The following RELN variants were observed in gnomAD, a reference collection of about 807,000 sequenced individuals.
The protein encoded by RELN is reelin.
Under a neutral mutation model 427.6 loss-of-function variants are expected in RELN, and 108 were observed. The ratio of observed to expected loss-of-function variants is 0.25; its 90% CI spans 0.22 to 0.30. RELN has a LOEUF of 0.30. Among genes scored for constraint, RELN ranks in the 10% least tolerant of loss-of-function variants. RELN has a pLI of 1.00. For missense variants in RELN, 3,715 were observed against 4,302.8 expected, an observed-to-expected ratio of 0.86 and a Z score of 3.82; for synonymous variants, 1,524 against 1,513.4, an observed-to-expected ratio of 1.01 and a Z score of -0.16.
At chr7:103,826,935 C>T (rs776590576) in intron 3 of RELN, among the ~76,000 whole-genome samples, 8 of 151,260 alleles carry the variant, frequency 5.3e-5, no homozygotes, top group Non-Finnish European at 1.0e-4. Flanking sequence ...CTTGAGTGAT[C>T]TCCATAAGTT....
At chr7:103,695,439 G>A (rs537244664) in intron 10 of RELN, among the ~76,000 whole-genome samples, 6 of 151,866 alleles carry the variant, frequency 4.0e-5, no homozygotes, top group African/African-American at 1.5e-4. Context: ...AGTCTCAAAT[G>A]TGTGATTGGA....
intron 1 of RELN, among the ~76,000 whole-genome samples, chr7:103,981,344 A>T (rs1398236117): frequency 1.3e-5 from 2 of 152,362 alleles, no homozygotes; most frequent in African/African-American, 4.8e-5. Flanking sequence ...TACCTTCTCA[A>T]AGCATAATTA....
chr7:103,499,572 T>C (rs564519188), intron 53 of RELN, among the ~76,000 whole-genome samples: 31 of 152,166 alleles, frequency 2.0e-4, no homozygotes, highest in Admixed American at 3.9e-4. Flanking sequence ...GTAGTTAAAA[T>C]GATTTAAACA....
At chr7:103,518,534 C>CTTTTTTTTT (rs1554368939) in intron 49 of RELN, among the ~76,000 whole-genome samples, 1 of 100,294 alleles carries the variant, frequency 1.0e-5, no homozygotes, top group African/African-American at 7.9e-5. Flanking sequence ...AAATGTCTTG[C>CTTTTTTTTT]TTTGCTGCCC....
intron 4 of RELN, among the ~76,000 whole-genome samples, chr7:103,755,928 T>G (rs1357745885): frequency 6.6e-6 from 1 of 151,992 alleles, no homozygotes; most frequent in Non-Finnish European, 1.5e-5. Flanking sequence ...AGAAAAACCC[T>G]GTCTACACAG....
chr7:103,682,328 T>C (rs1833672608), intron 10 of RELN, 67 bp from the exon 11 acceptor site: 1 of 1,557,428 alleles, frequency 6.4e-7, no homozygotes, highest in South Asian at 1.1e-5. Flanking sequence ...GTCTTACTCA[T>C]GTATAATTAG....
At chr7:103,586,978 A>G (rs1486016173) in intron 28 of RELN, among the ~76,000 whole-genome samples, 1 of 152,222 alleles carries the variant, frequency 6.6e-6, no homozygotes, top group Admixed American at 6.5e-5. Flanking sequence ...TACAGATGCA[A>G]TGTAATTCCT....
rs766747842 is a variant in RELN, at chr7:103,989,114, G to A, written c.226+17C>T. ...CGCACCCGGCGGCGGCGAGCGCGGA[G>A]GTGCTGCGGTACCTACCATGGTATT... On this transcript the variant is annotated intron_variant, in intron 1 of 64. Transcript: ENST00000428762. The surrounding 1 kb of genome is among the most constrained non-coding windows in gnomAD (Gnocchi z 4.9). The A allele has an allele frequency of 2.5e-5, 40 of 1,610,544 alleles. No homozygotes were observed. The South Asian group carries it at 3.6e-4, about 15-fold the overall frequency.
intron 2 of RELN, among the ~76,000 whole-genome samples, chr7:103,872,987 A>T (rs7809141): frequency 1.6e-4 from 24 of 151,656 alleles, no homozygotes; most frequent in East Asian, 1.2e-3. Flanking sequence ...GAGTAGGTTG[A>T]GAAAATTAAC....
At chr7:103,655,243 G>T (rs545399879) in intron 12 of RELN, among the ~76,000 whole-genome samples, 2 of 152,108 alleles carry the variant, frequency 1.3e-5, no homozygotes, top group South Asian at 2.1e-4. Context: ...AACCAAAACA[G>T]CTGGGACTAT....
At chr7:103,595,757 C>A (rs111717719) in intron 25 of RELN, among the ~76,000 whole-genome samples, 30 of 151,690 alleles carry the variant, frequency 2.0e-4, no homozygotes, top group African/African-American at 7.0e-4. Context: ...AAAATAATAT[C>A]ATTGAATAGA....
At chr7:103,810,662 A>G (rs1350978314) in intron 3 of RELN, among the ~76,000 whole-genome samples, 6 of 149,258 alleles carry the variant, frequency 4.0e-5, no homozygotes, top group African/African-American at 1.5e-4. Context: ...TCCTTGCAGG[A>G]AAAAAAAAAC....
intron 3 of RELN, among the ~76,000 whole-genome samples, chr7:103,831,377 A>T (rs1793270027): frequency 6.6e-6 from 1 of 152,140 alleles, no homozygotes; most frequent in Non-Finnish European, 1.5e-5. Flanking sequence ...CATATAAGAC[A>T]CTGTAGCAAC....
rs1252046319 is a variant in RELN, at chr7:103,824,412, G to T, written c.473+9125C>A. Among the ~76,000 whole-genome samples, 1 of 151,958 alleles carries T rather than the reference G, an allele frequency of 6.6e-6. No homozygotes were observed. The highest frequency in any genetic ancestry group is 2.4e-5 in the African/African-American group (1 of 41,372). Reference sequence around the variant, plus strand: ...AGTCAGGCTTCAATCAGTGGGCCCAGTTCCAGCTCAGTCTCCTTTATTATC... The same window carrying T: ...AGTCAGGCTTCAATCAGTGGGCCCATTTCCAGCTCAGTCTCCTTTATTATC... On this transcript the variant is annotated intron_variant, in intron 3 of 64. Transcript: ENST00000428762. This position sits in a 1 kb window ranked among gnomAD's most constrained non-coding sequence, Gnocchi z 4.4.
chr7:103,761,612 C>G lies in RELN; in HGVS notation c.545-8398G>C, dbSNP rs527369850. On this transcript the variant is annotated intron_variant, in intron 4 of 64. Coordinates refer to ENST00000428762, the MANE Select transcript of RELN (RefSeq NM_005045.4). ...GGACTACAGGCATACAGCACCAAGA[C>G]CAGTAAATTTTTTTTTGGGGGGGGG... Among the ~76,000 whole-genome samples the G allele has an allele frequency of 3.1e-3, 468 of 151,910 alleles. 2 individuals carry two copies. The highest frequency in any genetic ancestry group is 0.011 in the African/African-American group (443 of 41,308).
At chr7:103,816,640 T>C (rs1444633308) in intron 3 of RELN, among the ~76,000 whole-genome samples, 1 of 151,646 alleles carries the variant, frequency 6.6e-6, no homozygotes, top group East Asian at 1.9e-4. Flanking sequence ...ATTGCAACCA[T>C]AACTCCAGGG....
rs1389796876 is a variant in RELN, at chr7:103,566,206, T to A, written c.4936+18A>T. ...TAGTTAATCAGATATTTTCCCTTTA[T>A]CTGGTGACAATATATACCTATGTTT... On this transcript the variant is annotated intron_variant, in intron 33 of 64. Transcript: ENST00000428762. The A allele has an allele frequency of 6.3e-7, 1 of 1,595,398 alleles. No homozygotes were observed. Among genetic ancestry groups the A allele is most frequent in the Non-Finnish European group, 8.6e-7 (1 of 1,163,264 alleles).
In RELN at chr7:103,740,728, C is replaced by A. The variant is rs76740483; in HGVS notation, c.656+8698G>T. 8.1e-3 allele frequency among the ~76,000 whole-genome samples: 1,240 copies of A among 152,170 alleles called. 23 individuals carry two copies. The highest frequency in any genetic ancestry group is 0.028 in the African/African-American group (1,169 of 41,520). On this transcript the variant is annotated intron_variant, in intron 6 of 64. Transcript: ENST00000428762. ...TAGGTGAAGTTAATGGAAGTAAATA[C>A]ATTGTGAGTGTTTTAACTTTTAAAT...
rs562622958 is a variant in RELN at position 103,808,007 on chromosome 7, G to A, written c.473+25530C>T. ...AACAGAGATAAGCAAAAGTTTAGAT[G>A]TAAATGAGATCCTCAGCTTTCTTCC... On this transcript the variant is annotated intron_variant, in intron 3 of 64. Transcript: ENST00000428762. 3.3e-5 allele frequency among the ~76,000 whole-genome samples: 5 copies of A among 152,220 alleles called. No homozygotes were observed. In the East Asian group the frequency reaches 7.7e-4, roughly 24 times the overall value.
Sources: allele counts gnomAD v4.1 joint callset (sites outside exome capture counted in the v4.1 genomes callset), GRCh38; gene constraint gnomAD v4.1.1; non-coding constraint Gnocchi (gnomAD v3.1); transcripts MANE v1.5; gene names NCBI Gene and HGNC (gene_info 2026-07-23, HGNC 2026-07-21).